Variants in ZSWIM5 observed in about 807,000 individuals in gnomAD.
The protein encoded by ZSWIM5 is zinc finger SWIM-type containing 5.
Under a neutral mutation model 119.6 loss-of-function variants are expected in ZSWIM5, and 55 were observed. The observed-to-expected ratio is 0.46, with a 90% CI of 0.37 to 0.58. The LOEUF is 0.58. Among genes scored for constraint, ZSWIM5 ranks in the 20% least tolerant of loss-of-function variants. ZSWIM5 has a pLI of 0.00. For synonymous variants in ZSWIM5, 537 were observed against 606.9 expected (o/e 0.88, Z 1.69); for missense variants, 1,193 against 1,512.8 (o/e 0.79, Z 3.51).
chr1:45,079,065 C>T (rs976291435), intron 2 of ZSWIM5, among the ~76,000 whole-genome samples: 1 of 152,090 alleles, frequency 6.6e-6, no homozygotes, highest in Non-Finnish European at 1.5e-5. Flanking sequence ...AATGGCCGGT[C>T]CCTGCCTTAA....
chr1:45,089,599 T>G (rs1019048454), intron 1 of ZSWIM5, among the ~76,000 whole-genome samples: 13 of 152,080 alleles, frequency 8.5e-5, no homozygotes, highest in African/African-American at 2.9e-4. Flanking sequence ...AACCAGGAGG[T>G]CTGACTGACT....
At chr1:45,108,114 T>A (rs1387478298) in intron 1 of ZSWIM5, among the ~76,000 whole-genome samples, 1 of 152,190 alleles carries the variant, frequency 6.6e-6, no homozygotes, top group African/African-American at 2.4e-5. Context: ...TGCCTCCTTT[T>A]CAGCTCACAG....
chr1:45,106,925 T>C (rs570263070), intron 1 of ZSWIM5, among the ~76,000 whole-genome samples: 1 of 152,352 alleles, frequency 6.6e-6, no homozygotes, highest in Admixed American at 6.5e-5. Flanking sequence ...CCCAACCCCC[T>C]GCTCTCTGAA....
chr1:45,020,227 C>CA, intron 12 of ZSWIM5, 80 bp from the exon 13 acceptor site: 2 of 1,168,638 alleles, frequency 1.7e-6, no homozygotes, highest in Non-Finnish European at 2.6e-6. Context: ...ATTTATGCGA[C>CA]AAATATTTTC....
chr1:45,036,978 T>G (rs1031840243), intron 8 of ZSWIM5, among the ~76,000 whole-genome samples: 1 of 151,928 alleles, frequency 6.6e-6, no homozygotes, highest in Non-Finnish European at 1.5e-5. Flanking sequence ...TTTAATTTTT[T>G]TTTGTAGAGA....
intron 1 of ZSWIM5, among the ~76,000 whole-genome samples, chr1:45,162,900 A>C (rs1344154043): frequency 1.3e-5 from 2 of 152,234 alleles, no homozygotes; most frequent in African/African-American, 4.8e-5. Context: ...GGGGCAGGGC[A>C]TAGTTGAACA....
chr1:45,030,261 T>A (rs1308529889), intron 11 of ZSWIM5, among the ~76,000 whole-genome samples: 4 of 152,080 alleles, frequency 2.6e-5, no homozygotes, highest in African/African-American at 4.8e-5. Context: ...AATGATTGAT[T>A]GATCGAGATG....
intron 1 of ZSWIM5, among the ~76,000 whole-genome samples, chr1:45,196,034 GTTTTTTTTTTT>G (rs34236930): frequency 0.01 from 1,066 of 103,964 alleles, 19 homozygotes; most frequent in African/African-American, 0.036. Context: ...CACCCAGCTA[GTTTTTTTTTTT>G]TTTTTTTTTT....
At chr1:45,194,886 A>C (rs1646113162) in intron 1 of ZSWIM5, among the ~76,000 whole-genome samples, 1 of 152,170 alleles carries the variant, frequency 6.6e-6, no homozygotes, top group African/African-American at 2.4e-5. Flanking sequence ...CAAAAAAAAA[A>C]AAAGAGGTTA....
rs113174789 is a variant in ZSWIM5 at position 45,191,782 on chromosome 1, C to T, written c.595+13974G>A. 7.4e-3 allele frequency among the ~76,000 whole-genome samples: 1,124 copies of T among 152,304 alleles called. 13 individuals are homozygous for T. The highest frequency in any genetic ancestry group is 0.026 in the African/African-American group (1,078 of 41,568). ...AATTTAGAGCTCATTCTCTACGAAA[C>T]ATAATGTTTGAAGGTTTTCCTTTCC... On this transcript the variant is annotated intron_variant, in intron 1 of 13. Transcript: ENST00000359600.
chr1:45,058,640 T>C lies in ZSWIM5; in HGVS notation c.1221A>G (p.Thr407=). The change falls in exon 4 of 14, where the codon ACA becomes ACG. Residue 407 remains threonine, a synonymous_variant. Coordinates refer to ENST00000359600, the MANE Select transcript of ZSWIM5 (RefSeq NM_020883.2). The part of the protein sequence containing the change: ...TLWRQQGTNM[T]DKCRQLWDEL... ...CATCCCAGAGCTGCCTGCACTTGTCTGTCATGTTTGTTCCTTGCTGCCTCC... is the reference window on the plus strand; with the variant it reads ...CATCCCAGAGCTGCCTGCACTTGTCCGTCATGTTTGTTCCTTGCTGCCTCC... The C allele has an allele frequency of 6.2e-7, 1 of 1,614,266 alleles. No homozygotes were observed. Among genetic ancestry groups the C allele is most frequent in the Non-Finnish European group, 8.5e-7 (1 of 1,180,058 alleles).
intron 5 of ZSWIM5, 116 bp from the exon 6 acceptor site, chr1:45,043,511 G>C: frequency 9.9e-7 from 1 of 1,007,112 alleles, no homozygotes; most frequent in African/African-American, 1.6e-5. Flanking sequence ...GAATAACTCT[G>C]GCAGCAGTAT....
chr1:45,124,752 G>A (rs180948119), intron 1 of ZSWIM5, among the ~76,000 whole-genome samples: 5 of 152,210 alleles, frequency 3.3e-5, no homozygotes, highest in African/African-American at 1.2e-4. Context: ...AGGTAAGATT[G>A]TAAAAGAAAG....
chr1:45,041,269 TAG>T (rs1308517629), intron 6 of ZSWIM5, among the ~76,000 whole-genome samples: 1 of 152,138 alleles, frequency 6.6e-6, no homozygotes, highest in Non-Finnish European at 1.5e-5. Flanking sequence ...CTGGAAAAGG[TAG>T]AGTCTGGAAT....
At chr1:45,163,075 G>C (rs1645873756) in intron 1 of ZSWIM5, among the ~76,000 whole-genome samples, 1 of 152,200 alleles carries the variant, frequency 6.6e-6, no homozygotes, top group Non-Finnish European at 1.5e-5. Flanking sequence ...CTCCCAGTAA[G>C]GGCCGACTGA....
intron 1 of ZSWIM5, among the ~76,000 whole-genome samples, chr1:45,139,345 A>G (rs1645711228): frequency 6.7e-6 from 1 of 150,236 alleles, no homozygotes; most frequent in Admixed American, 6.6e-5. Context: ...CATGGTGGCT[A>G]ATTTCTCTTT....
intron 1 of ZSWIM5, among the ~76,000 whole-genome samples, chr1:45,138,864 A>G (rs1233666270): frequency 1.3e-5 from 2 of 151,664 alleles, no homozygotes; most frequent in Non-Finnish European, 1.5e-5. Context: ...ATTCATCAAT[A>G]GTAGAAATTT....
At chr1:45,058,855 C>A in intron 3 of ZSWIM5, 96 bp from the exon 4 acceptor site, 17 of 1,374,782 alleles carry the variant, frequency 1.2e-5, no homozygotes, top group Non-Finnish European at 1.7e-5. Context: ...GATGAAGTAT[C>A]TGAGTACACC....
At chr1:45,036,588 C>T (rs1644985873) in intron 8 of ZSWIM5, among the ~76,000 whole-genome samples, 1 of 151,994 alleles carries the variant, frequency 6.6e-6, no homozygotes, top group South Asian at 2.1e-4. Flanking sequence ...CTCCTGACCT[C>T]AGGTGATCTG....
Sources: allele counts gnomAD v4.1 joint callset (sites outside exome capture counted in the v4.1 genomes callset), GRCh38; gene constraint gnomAD v4.1.1; transcripts MANE v1.5; gene names NCBI Gene and HGNC (gene_info 2026-07-23, HGNC 2026-07-21).